The following MACROD2 variants were observed in gnomAD, a reference collection of about 807,000 sequenced individuals.
MACROD2 encodes mono-ADP ribosylhydrolase 2.
Under a neutral mutation model 70.4 loss-of-function variants are expected in MACROD2, and 36 were observed. That is an observed-to-expected ratio of 0.51 (90% CI 0.39 to 0.68). The LOEUF (loss-of-function observed/expected upper bound fraction) is 0.68. MACROD2 is among the 30% of genes least tolerant of loss of function. The pLI is 0.00. For missense variants in MACROD2, 496 were observed against 538.4 expected (o/e 0.92, Z 0.78); for synonymous variants, 172 against 178.8 (o/e 0.96, Z 0.30).
At chr20:15,700,728 G>A (rs1055351178) in intron 8 of MACROD2, among the ~76,000 whole-genome samples, 3 of 152,282 alleles carry the variant, frequency 2.0e-5, no homozygotes, top group Admixed American at 1.3e-4. Context: ...ATGGTAAAGT[G>A]CCTGCAAGCC....
intron 12 of MACROD2, among the ~76,000 whole-genome samples, chr20:15,939,806 C>T (rs998038057): frequency 2.6e-5 from 4 of 151,888 alleles, no homozygotes; most frequent in Admixed American, 6.6e-5. Flanking sequence ...TAAGAATATT[C>T]CTGAGAGAAG....
intron 2 of MACROD2, among the ~76,000 whole-genome samples, chr20:14,055,507 CAAAA>C (rs4052606): frequency 9.7e-6 from 1 of 103,198 alleles, no homozygotes; most frequent in Non-Finnish European, 2.1e-5. Flanking sequence ...GTTTCAGGAG[CAAAA>C]AAAAAAAAAA....
At chr20:14,707,863 A>G (rs2071288587) in intron 5 of MACROD2, among the ~76,000 whole-genome samples, 1 of 152,198 alleles carries the variant, frequency 6.6e-6, no homozygotes, top group Non-Finnish European at 1.5e-5. Flanking sequence ...CATTAAAATA[A>G]TACTCATAAG....
At chr20:14,242,376 A>G (rs1422540504) in intron 3 of MACROD2, among the ~76,000 whole-genome samples, 1 of 152,158 alleles carries the variant, frequency 6.6e-6, no homozygotes, top group Non-Finnish European at 1.5e-5. Context: ...AGTATTTGAA[A>G]AATGCATATG....
intron 10 of MACROD2, among the ~76,000 whole-genome samples, chr20:15,889,925 A>G (rs902417159): frequency 5.3e-5 from 8 of 152,246 alleles, no homozygotes; most frequent in South Asian, 4.1e-4. Context: ...GCTTTTGAAG[A>G]GAAGCAGAAG....
rs1283848151 is a variant in MACROD2 at position 14,046,951 on chromosome 20, A to T, written c.164-38670A>T. 2.0e-5 allele frequency among the ~76,000 whole-genome samples: 3 copies of T among 152,240 alleles called. 1 individual carries two copies. The East Asian group carries it at 5.8e-4, about 29-fold the overall frequency. On this transcript the variant is annotated intron_variant, in intron 2 of 17. Coordinates refer to ENST00000684519, the MANE Select transcript of MACROD2 (RefSeq NM_001351661.2). The stretch of plus-strand genomic sequence containing the variant: ...AAAATGGGTAAATAAACTGTGGTAT[A>T]TCTATCTAAGGATCTTGAACTAGAC...
At chr20:14,152,856 A>G (rs2055044191) in intron 3 of MACROD2, among the ~76,000 whole-genome samples, 1 of 152,164 alleles carries the variant, frequency 6.6e-6, no homozygotes, top group African/African-American at 2.4e-5. Context: ...CATGGATTCT[A>G]TCATAATGTG....
chr20:15,736,920 G>A lies in MACROD2; in HGVS notation c.646-125825G>A, dbSNP rs193054241. 7.9e-5 allele frequency among the ~76,000 whole-genome samples: 12 copies of A among 152,226 alleles called. No individual in the cohort carries two copies. In the East Asian group the frequency reaches 1.9e-3, roughly 25 times the overall value. On this transcript the variant is annotated intron_variant, in intron 8 of 17. Transcript: ENST00000684519. Reference sequence around the variant, plus strand: ...AAGTCACAAAAGATTTTTGAGTTGAGGCTAGTATTTTTAAGAAATCTAGTC... The same window carrying A: ...AAGTCACAAAAGATTTTTGAGTTGAAGCTAGTATTTTTAAGAAATCTAGTC...
intron 6 of MACROD2, among the ~76,000 whole-genome samples, chr20:15,371,675 G>A (rs958182195): frequency 6.6e-5 from 10 of 151,952 alleles, no homozygotes; most frequent in African/African-American, 2.4e-4. Context: ...TAATCTAGGG[G>A]GATAGCCAAG....
intron 3 of MACROD2, among the ~76,000 whole-genome samples, chr20:14,295,499 G>A (rs6042658): frequency 0.91 from 136,585 of 150,902 alleles, 62,012 homozygotes; most frequent in Non-Finnish European, 0.92. Flanking sequence ...TTGAGGAGGC[G>A]GAGACTGGAG....
chr20:15,136,036 C>A (rs1431129840), intron 5 of MACROD2, among the ~76,000 whole-genome samples: 4 of 147,808 alleles, frequency 2.7e-5, no homozygotes, highest in Non-Finnish European at 3.0e-5. Context: ...GGAGAACTAC[C>A]AACCACTGCT....
At chr20:15,967,062 C>G (rs1357409043) in intron 12 of MACROD2, among the ~76,000 whole-genome samples, 1 of 152,130 alleles carries the variant, frequency 6.6e-6, no homozygotes, top group Non-Finnish European at 1.5e-5. Flanking sequence ...TGCATTCCCT[C>G]TATGCTATTG....
intron 9 of MACROD2, among the ~76,000 whole-genome samples, chr20:15,875,533 A>G (rs544807451): frequency 6.6e-6 from 1 of 152,134 alleles, no homozygotes; most frequent in East Asian, 1.9e-4. Context: ...TTTCCACTTG[A>G]TGGGCCTCAA....
intron 15 of MACROD2, among the ~76,000 whole-genome samples, chr20:15,992,218 C>T (rs2069315): frequency 2.0e-5 from 3 of 152,022 alleles, no homozygotes; most frequent in African/African-American, 7.2e-5. Context: ...TTATGCAGGC[C>T]TCTTGAGTTT....
intron 3 of MACROD2, among the ~76,000 whole-genome samples, chr20:14,487,003 A>G (rs1305511918): frequency 6.6e-6 from 1 of 152,236 alleles, no homozygotes; most frequent in South Asian, 2.1e-4. Flanking sequence ...TCTTCTGTAC[A>G]TAAGTCCTAA....
chr20:14,122,463 T>G (rs1439596564), intron 3 of MACROD2, among the ~76,000 whole-genome samples: 1 of 152,198 alleles, frequency 6.6e-6, no homozygotes, highest in Non-Finnish European at 1.5e-5. Context: ...TATTATTTAA[T>G]TCACCCAGCT....
intron 4 of MACROD2, among the ~76,000 whole-genome samples, chr20:14,606,963 C>T (rs929140880): frequency 1.3e-5 from 2 of 152,186 alleles, no homozygotes; most frequent in African/African-American, 2.4e-5. Context: ...TCAAGGCACC[C>T]ATAGTCCTAC....
intron 3 of MACROD2, among the ~76,000 whole-genome samples, chr20:14,175,365 T>C (rs1412712890): frequency 6.6e-6 from 1 of 152,212 alleles, no homozygotes; most frequent in Non-Finnish European, 1.5e-5. Context: ...AGGAACCTAA[T>C]TGCTGTGCTA....
At chr20:14,366,336 T>C (rs1005980818) in intron 3 of MACROD2, among the ~76,000 whole-genome samples, 1 of 151,776 alleles carries the variant, frequency 6.6e-6, no homozygotes, top group Admixed American at 6.6e-5. Context: ...ATTTCTACTT[T>C]TATCTATATA....
Sources: allele counts gnomAD v4.1 joint callset (sites outside exome capture counted in the v4.1 genomes callset), GRCh38; gene constraint gnomAD v4.1.1; transcripts MANE v1.5; gene names NCBI Gene and HGNC (gene_info 2026-07-23, HGNC 2026-07-21).